PDGFC: variants seen among roughly 807,000 people sequenced by gnomAD.
The protein encoded by PDGFC is platelet derived growth factor C, also known as platelet-derived growth factor C.
A neutral mutation model predicts 35.5 loss-of-function variants in PDGFC; 12 were observed. The ratio of observed to expected loss-of-function variants is 0.34; its 90% CI spans 0.22 to 0.55. The LOEUF (loss-of-function observed/expected upper bound fraction) is 0.55, where lower values mean the gene tolerates loss of function less well. Among genes scored for constraint, PDGFC ranks in the 20% least tolerant of loss-of-function variants. PDGFC has a pLI of 0.91. For synonymous variants in PDGFC, 159 were observed against 148.8 expected, an observed-to-expected ratio of 1.07 and a Z score of -0.50; for missense variants, 322 against 412.4, an observed-to-expected ratio of 0.78 and a Z score of 1.90.
chr4:156,767,273 C>T (rs1269671468), intron 5 of PDGFC, among the ~76,000 whole-genome samples: 1 of 151,936 alleles, frequency 6.6e-6, no homozygotes, highest in Non-Finnish European at 1.5e-5. Flanking sequence ...AACATCCACA[C>T]AAAGTTTAAC....
chr4:156,915,951 A>G (rs1182578773), intron 1 of PDGFC, among the ~76,000 whole-genome samples: 1 of 152,128 alleles, frequency 6.6e-6, no homozygotes, highest in Non-Finnish European at 1.5e-5. Context: ...CAGGATATGT[A>G]GAAAATGAAT....
chr4:156,930,420 T>C lies in PDGFC; in HGVS notation c.118+40366A>G, dbSNP rs145013467. ...GGCTAGCAAATCCTAATATCACATT[T>C]TTTGGCGGGGACCAATGTGGAGAAT... On this transcript the variant is annotated intron_variant, in intron 1 of 5. Coordinates refer to ENST00000502773, the MANE Select transcript of PDGFC (RefSeq NM_016205.3). Among the ~76,000 whole-genome samples, 256 of 152,308 alleles carry C rather than the reference T, an allele frequency of 1.7e-3. 3 individuals carry two copies. The highest frequency in any genetic ancestry group is 0.012 in the East Asian group (60 of 5,182).
intron 1 of PDGFC, among the ~76,000 whole-genome samples, chr4:156,908,468 G>T (rs1440309673): frequency 6.6e-6 from 1 of 152,010 alleles, no homozygotes; most frequent in Non-Finnish European, 1.5e-5. Flanking sequence ...GATAATAGCT[G>T]CCAATTAGTA....
intron 2 of PDGFC, among the ~76,000 whole-genome samples, chr4:156,847,957 G>A (rs1729365696): frequency 6.6e-6 from 1 of 151,628 alleles, no homozygotes; most frequent in South Asian, 2.1e-4. Flanking sequence ...GCATTTCACT[G>A]GGGAAAACAA....
intron 1 of PDGFC, among the ~76,000 whole-genome samples, chr4:156,940,139 C>A (rs1338282307): frequency 1.3e-5 from 2 of 152,054 alleles, no homozygotes; most frequent in African/African-American, 4.8e-5. Flanking sequence ...GGTTTGAAGT[C>A]AAAGAACCAT....
At chr4:156,940,543 G>A (rs181921609) in intron 1 of PDGFC, among the ~76,000 whole-genome samples, 1 of 152,196 alleles carries the variant, frequency 6.6e-6, no homozygotes, top group Non-Finnish European at 1.5e-5. Flanking sequence ...GGTACTCTTA[G>A]AATAAACAGA....
chr4:156,950,263 G>A (rs1289428503), intron 1 of PDGFC, among the ~76,000 whole-genome samples: 1 of 151,868 alleles, frequency 6.6e-6, no homozygotes, highest in African/African-American at 2.4e-5. Flanking sequence ...GATGAGGAAA[G>A]TGACCCTTAG....
chr4:156,883,776 T>C (rs752949840), intron 1 of PDGFC, among the ~76,000 whole-genome samples: 1 of 152,198 alleles, frequency 6.6e-6, no homozygotes, highest in Non-Finnish European at 1.5e-5. Flanking sequence ...ATCTAAACCA[T>C]TATTTTCTAA....
intron 3 of PDGFC, among the ~76,000 whole-genome samples, chr4:156,794,542 A>G (rs796985758): frequency 3.0e-4 from 45 of 152,030 alleles, no homozygotes; most frequent in African/African-American, 1.1e-3. Flanking sequence ...AGGAAGGAAG[A>G]CAGGAAGAAA....
At chr4:156,855,318 C>T (rs939751474) in intron 1 of PDGFC, among the ~76,000 whole-genome samples, 1 of 152,112 alleles carries the variant, frequency 6.6e-6, no homozygotes, top group African/African-American at 2.4e-5. Flanking sequence ...ATAACACTAA[C>T]GAGGAAGTTT....
At chr4:156,813,397 A>C (rs190175256) in intron 2 of PDGFC, among the ~76,000 whole-genome samples, 6 of 152,226 alleles carry the variant, frequency 3.9e-5, no homozygotes, top group African/African-American at 1.4e-4. Context: ...CACATTGGTA[A>C]GTGCTCTAAT....
intron 1 of PDGFC, among the ~76,000 whole-genome samples, chr4:156,850,894 TAAG>T (rs756728424): frequency 3.3e-5 from 5 of 152,118 alleles, no homozygotes; most frequent in Non-Finnish European, 7.4e-5. Context: ...TATGGCAAAA[TAAG>T]AAGGGTATTA....
chr4:156,872,317 G>A (rs1235997415), intron 1 of PDGFC, among the ~76,000 whole-genome samples: 3 of 152,176 alleles, frequency 2.0e-5, no homozygotes, highest in Non-Finnish European at 4.4e-5. Context: ...ACAGAAGACA[G>A]GCAAACAAGA....
At chr4:156,781,693 T>A (rs186525708) in intron 3 of PDGFC, among the ~76,000 whole-genome samples, 1 of 152,182 alleles carries the variant, frequency 6.6e-6, no homozygotes, top group African/African-American at 2.4e-5. Context: ...GAGGCATACC[T>A]ACCAGCCATA....
intron 1 of PDGFC, among the ~76,000 whole-genome samples, chr4:156,943,200 C>T (rs143013291): frequency 2.5e-3 from 378 of 152,152 alleles, no homozygotes; most frequent in Non-Finnish European, 3.7e-3. Flanking sequence ...CAGCACAGAT[C>T]AGAAATGACG....
rs530654898 is a variant in PDGFC at position 156,968,475 on chromosome 4, G to T, written c.118+2311C>A. ...ATCATAATTCAGTATGTGGGCAAAA[G>T]ATTACCCACATAATGGAAAATTTGA... On this transcript the variant is annotated intron_variant, in intron 1 of 5. Transcript: ENST00000502773. Among the ~76,000 whole-genome samples the T allele has an allele frequency of 2.0e-5, 3 of 152,182 alleles. No individual in the cohort carries two copies. The South Asian group carries it at 6.2e-4, about 32-fold the overall frequency.
intron 1 of PDGFC, among the ~76,000 whole-genome samples, chr4:156,898,304 G>T (rs957821265): frequency 1.3e-5 from 2 of 152,118 alleles, no homozygotes; most frequent in African/African-American, 4.8e-5. Context: ...GAAATCTGTT[G>T]TGTATAAGCC....
At chr4:156,899,660 C>T (rs915677028) in intron 1 of PDGFC, among the ~76,000 whole-genome samples, 2 of 152,024 alleles carry the variant, frequency 1.3e-5, no homozygotes, top group Non-Finnish European at 2.9e-5. Context: ...ACTAAAAACA[C>T]AAAAGTTAGC....
chr4:156,911,940 A>C (rs1731049263), intron 1 of PDGFC, among the ~76,000 whole-genome samples: 1 of 152,204 alleles, frequency 6.6e-6, no homozygotes, highest in South Asian at 2.1e-4. Flanking sequence ...ATTGTTAAAC[A>C]ATGAATGTCT....
Sources: gnomAD v4.1 joint callset for allele counts (sites outside exome capture counted in the v4.1 genomes callset) on GRCh38, gnomAD v4.1.1 for gene constraint, MANE v1.5 for transcripts, NCBI Gene and HGNC (gene_info 2026-07-23, HGNC 2026-07-21) for gene names.